The following ASB2 variants were observed in gnomAD, a reference collection of about 807,000 sequenced individuals.
ASB2 encodes ankyrin repeat and SOCS box containing 2.
ASB2 carries 58 observed loss-of-function variants against 62.4 expected under a neutral mutation model. The observed-to-expected ratio is 0.93, with a 90% confidence interval of 0.75 to 1.16. The LOEUF is 1.16. ASB2 is among the 50% of genes most tolerant of loss of function. The probability of loss-of-function intolerance (pLI) is 0.00; values close to 1 mark genes in which losing one functional copy is unlikely to be tolerated. For missense variants in ASB2, 928 were observed against 887.9 expected (o/e 1.05, Z -0.57); for synonymous variants, 386 against 385.3 (o/e 1.00, Z -0.02).
Position 93,947,497 on chromosome 14 carries a change from T to A in ASB2, c.904A>T (p.Ser302Cys). The A allele has an allele frequency of 6.2e-7, 1 of 1,614,116 alleles. No individual in the cohort carries two copies. The highest frequency in any genetic ancestry group is 8.5e-7 in the Non-Finnish European group (1 of 1,180,034). ...TCGTAGAGGGCAGACGCGTTGTCGCTGGCCTGCGTGTTGATGTCAGCACCT... is the reference window on the plus strand; with the variant it reads ...TCGTAGAGGGCAGACGCGTTGTCGCAGGCCTGCGTGTTGATGTCAGCACCT... Reference protein sequence around the residue: ...KYGADINTQASDNASALYEAC... With the variant: ...KYGADINTQACDNASALYEAC... Residue 302 changes from serine to cysteine, a missense_variant, in exon 7 of 10, where the codon AGC becomes TGC. Ser to Cys is a moderately radical substitution (Grantham distance 112). Coordinates refer to ENST00000555019, the MANE Select transcript of ASB2 (RefSeq NM_001202429.2).
chr14:93,959,554 T>A (rs1033496210), intron 2 of ASB2, among the ~76,000 whole-genome samples: 8 of 152,074 alleles, frequency 5.3e-5, no homozygotes, highest in Non-Finnish European at 1.2e-4. Flanking sequence ...CTGGGCTGAG[T>A]CATCACAGGC....
At chr14:93,941,511 G>C in intron 7 of ASB2, 1 of 374,116 alleles carries the variant, frequency 2.7e-6, no homozygotes, top group Non-Finnish European at 5.3e-6. Context: ...AACCTCAAAA[G>C]GAAATTCACA....
intron 9 of ASB2, among the ~76,000 whole-genome samples, chr14:93,936,327 A>G (rs1445899210): frequency 1.3e-5 from 2 of 152,248 alleles, no homozygotes; most frequent in Non-Finnish European, 2.9e-5. Flanking sequence ...CGTACTCCAC[A>G]CTAAGGTCTC....
At position 93,947,426 on chromosome 14, in the gene ASB2, T is replaced by C. The variant is rs1429360890; in HGVS notation, c.975A>G (p.Ser325=). ...TGGTCTTGTTGGCGTCGGCACCCTG[T>C]GACAGCAGAAACTCCACCACCTCCT... ...EHEEVVEFLL[S]QGADANKTNK... is the part of the protein sequence containing the mutation. Residue 325 remains serine (S), a synonymous_variant, in exon 7 of 10, where the codon TCA becomes TCG. Coordinates refer to ENST00000555019, the MANE Select transcript of ASB2 (RefSeq NM_001202429.2). The C allele has an allele frequency of 6.2e-7, 1 of 1,614,216 alleles. No homozygotes were observed. The highest frequency in any genetic ancestry group is 1.3e-5 in the African/African-American group (1 of 75,054).
rs1462233661 is a variant in ASB2 at position 93,951,103 on chromosome 14, C to T, written c.776G>A (p.Ser259Asn). The change falls in exon 6 of 10, where the codon AGC becomes AAC. Residue 259 changes from serine to asparagine, a missense_variant. Ser to Asn is a conservative substitution (Grantham distance 46). Coordinates refer to ENST00000555019, the MANE Select transcript of ASB2 (RefSeq NM_001202429.2). ...NDLEVMQILV[S>N]GGAKVESKNA... ...CTTGGATTCCACCTTGGCTCCTCCGCTCACCAGGATCTGCATGACCTCCAG... is the reference window on the plus strand; with the variant it reads ...CTTGGATTCCACCTTGGCTCCTCCGTTCACCAGGATCTGCATGACCTCCAG... 3 of 1,614,240 alleles carry T rather than the reference C, an allele frequency of 1.9e-6. No homozygotes were observed. The highest frequency in any genetic ancestry group is 2.5e-6 in the Non-Finnish European group (3 of 1,180,056).
rs566287531 is a variant in ASB2 at position 93,936,291 on chromosome 14, C to T, written c.1771+1407G>A. Among the ~76,000 whole-genome samples the T allele has an allele frequency of 3.3e-5, 5 of 152,302 alleles. No homozygotes were observed. In the South Asian group the frequency reaches 6.2e-4, roughly 19 times the overall value. On this transcript the variant is annotated intron_variant, in intron 9 of 9. Coordinates refer to ENST00000555019, the MANE Select transcript of ASB2 (RefSeq NM_001202429.2). ...AACCCAAATAGATATTGGTTAAGAA[C>T]GATTGGTTTTACTGGCTAACAAATG...
At position 93,964,673 on chromosome 14, in the gene ASB2, C is replaced by T. The variant is rs898349366; in HGVS notation, c.-73-61G>A. The T allele has an allele frequency of 6.0e-5, 46 of 765,934 alleles. No individual in the cohort carries two copies. In the Admixed American group the frequency reaches 8.0e-4, roughly 13 times the overall value. 47.4% of individuals were successfully genotyped at this position (765,934 alleles called of 1,614,324 possible). On this transcript the variant is annotated intron_variant, in intron 1 of 9. Coordinates refer to ENST00000555019, the MANE Select transcript of ASB2 (RefSeq NM_001202429.2). ...GTTTTGCAGGATAGCTATATTTACCCTCAGGGAAGGGTATGCATTTCACTG... is the reference window on the plus strand; with the variant it reads ...GTTTTGCAGGATAGCTATATTTACCTTCAGGGAAGGGTATGCATTTCACTG...
chr14:93,969,716 G>T (rs1210825063), intron 1 of ASB2, among the ~76,000 whole-genome samples: 1 of 152,176 alleles, frequency 6.6e-6, no homozygotes, highest in Admixed American at 6.5e-5. Flanking sequence ...AGAGGGAGGG[G>T]CCAGTCCAAG....
At chr14:93,973,007 G>A (rs1031108190) in intron 1 of ASB2, among the ~76,000 whole-genome samples, 26 of 152,228 alleles carry the variant, frequency 1.7e-4, no homozygotes, top group Admixed American at 1.5e-3. Flanking sequence ...CCCGGCTTTC[G>A]GGTGCCAGGG....
chr14:93,946,523 A>G (rs749707851), intron 7 of ASB2, among the ~76,000 whole-genome samples: 8 of 152,236 alleles, frequency 5.3e-5, no homozygotes, highest in African/African-American at 9.6e-5. Flanking sequence ...TAAGCTATCA[A>G]TGTGAGGTCA....
intron 2 of ASB2, among the ~76,000 whole-genome samples, chr14:93,960,531 G>A (rs1048500885): frequency 6.6e-6 from 1 of 152,336 alleles, no homozygotes; most frequent in East Asian, 1.9e-4. Context: ...AGATTAGGAA[G>A]ACCCAGCCTC....
chr14:93,959,536 C>A (rs1243428052), intron 2 of ASB2, among the ~76,000 whole-genome samples: 1 of 152,202 alleles, frequency 6.6e-6, no homozygotes, highest in Non-Finnish European at 1.5e-5. Flanking sequence ...CCCAACAGAG[C>A]AAACCTCCTG....
chr14:93,966,318 G>A (rs377123172), intron 1 of ASB2, among the ~76,000 whole-genome samples: 3 of 152,328 alleles, frequency 2.0e-5, no homozygotes, highest in South Asian at 2.1e-4. Context: ...CAATCTCACC[G>A]CCTCAGCTGG....
chr14:93,939,690 G>A lies in ASB2; in HGVS notation c.1053-18C>T, dbSNP rs1595301523. On this transcript the variant is annotated intron_variant, in intron 7 of 9. Transcript: ENST00000555019. ...GCACGATCCTGCCGGGTCGAGGGGC[G>A]GGCGCGGGTGAGGGGAGGGTCGGGG... 4 of 1,420,146 alleles carry A rather than the reference G, an allele frequency of 2.8e-6. No individual in the cohort carries two copies. Among genetic ancestry groups the A allele is most frequent in the Non-Finnish European group, 3.7e-6 (4 of 1,093,664 alleles). 88.0% of individuals were successfully genotyped at this position (1,420,146 alleles called of 1,614,324 possible).
intron 2 of ASB2, among the ~76,000 whole-genome samples, chr14:93,961,403 CAGAT>C (rs1889404627): frequency 6.6e-6 from 1 of 152,196 alleles, no homozygotes. Context: ...CACTCATTCA[CAGAT>C]AGCCATGTGG....
chr14:93,965,055 C>T (rs1889545830), intron 1 of ASB2, among the ~76,000 whole-genome samples: 1 of 152,208 alleles, frequency 6.6e-6, no homozygotes, highest in Non-Finnish European at 1.5e-5. Flanking sequence ...TCCGTCCAAC[C>T]ATCCATCCAA....
rs1888397603 is a variant in ASB2 at position 93,939,164 on chromosome 14, G to C, written c.1561C>G (p.Pro521Ala). 2 of 1,590,600 alleles carry C rather than the reference G, an allele frequency of 1.3e-6. No individual in the cohort carries two copies. Among genetic ancestry groups the C allele is most frequent in the African/African-American group, 2.7e-5 (2 of 74,374 alleles). Residue 521 changes from proline (P) to alanine (A), a missense_variant, in exon 8 of 10, where the codon CCC (proline) becomes GCC (alanine). Pro to Ala is a conservative substitution (Grantham distance 27, BLOSUM62 -1). Transcript: ENST00000555019. Reference protein sequence around the residue: ...GNGPHPPAPQPSSRFNDAPAA... With the variant: ...GNGPHPPAPQASSRFNDAPAA... ...GGCGCGTCGTTGAACCTGCTGGAGG[G>C]CTGCGGGGCCGGCGGGTGCGGGCCG...
chr14:93,957,262 G>T, intron 2 of ASB2: 3 of 1,166,964 alleles, frequency 2.6e-6, no homozygotes, highest in Non-Finnish European at 3.2e-6. Flanking sequence ...CTCACTGCTG[G>T]CCAGGCAGAT....
intron 7 of ASB2, chr14:93,941,285 C>T (rs1888507100): frequency 4.0e-6 from 1 of 250,532 alleles, no homozygotes; most frequent in Non-Finnish European, 7.8e-6. Flanking sequence ...GGTGACCTCA[C>T]AGCCTCCTGT....
Sources: allele counts gnomAD v4.1 joint callset (sites outside exome capture counted in the v4.1 genomes callset), GRCh38; gene constraint gnomAD v4.1.1; transcripts MANE v1.5; gene names NCBI Gene and HGNC (gene_info 2026-07-23, HGNC 2026-07-21).